Variants in CGNL1 observed in about 807,000 individuals in gnomAD.
The protein encoded by CGNL1 is cingulin like 1.
CGNL1 carries 132 observed loss-of-function variants against 141.2 expected under a neutral mutation model. The observed-to-expected ratio is 0.93, with a 90% confidence interval of 0.81 to 1.08. CGNL1 has a LOEUF of 1.08. CGNL1 is among the 50% of genes least tolerant of loss of function. The probability of loss-of-function intolerance (pLI) is 0.00; values close to 1 mark genes in which losing one functional copy is unlikely to be tolerated. For synonymous variants in CGNL1, 690 were observed against 622.1 expected, an observed-to-expected ratio of 1.11 and a Z score of -1.63; for missense variants, 1,870 against 1,588.6, an observed-to-expected ratio of 1.18 and a Z score of -3.01.
chr15:57,447,136 A>AT (rs1200584420), intron 4 of CGNL1, among the ~76,000 whole-genome samples: 1 of 151,990 alleles, frequency 6.6e-6, no homozygotes, highest in African/African-American at 2.4e-5. Flanking sequence ...TGGTGTTCTT[A>AT]TTTGTGAACA....
At chr15:57,516,056 G>A (rs1269774666) in intron 8 of CGNL1, among the ~76,000 whole-genome samples, 3 of 151,200 alleles carry the variant, frequency 2.0e-5, no homozygotes, top group Non-Finnish European at 4.4e-5. Context: ...CTACTCGGGA[G>A]GCTGAAGCAG....
In CGNL1 at chr15:57,548,667, A is replaced by G. The variant is rs1481362539; in HGVS notation, c.*1177A>G. On this transcript the variant is annotated 3_prime_UTR_variant, in exon 19 of 19. Coordinates refer to ENST00000281282, the MANE Select transcript of CGNL1 (RefSeq NM_032866.5). ...GGTTGGGTAGGGAGAGTTGTAGGTA[A>G]GGCCTTAAACAAATGAGGCCGTTTC... 6.6e-6 allele frequency: 1 copy of G among 152,182 alleles called. No individual in the cohort carries two copies. Among genetic ancestry groups the G allele is most frequent in the Non-Finnish European group, 1.5e-5 (1 of 68,064 alleles). 9.4% of individuals were successfully genotyped at this position (152,182 alleles called of 1,614,324 possible).
At chr15:57,440,590 G>A in intron 3 of CGNL1, 119 bp downstream of exon 3, 1 of 763,394 alleles carries the variant, frequency 1.3e-6, no homozygotes, top group African/African-American at 1.7e-5. Context: ...CCGTTGGAGG[G>A]TTAAAACTCA....
chr15:57,437,763 G>A (rs1443976827), intron 1 of CGNL1, among the ~76,000 whole-genome samples: 2 of 152,138 alleles, frequency 1.3e-5, no homozygotes, highest in Non-Finnish European at 2.9e-5. Flanking sequence ...AAACCCAGTG[G>A]TGACAAACTC....
intron 1 of CGNL1, among the ~76,000 whole-genome samples, chr15:57,389,757 G>T (rs975695124): frequency 1.3e-5 from 2 of 152,162 alleles, no homozygotes; most frequent in Admixed American, 6.5e-5. Flanking sequence ...TACAATGGTT[G>T]TATTGGATAT....
chr15:57,428,126 C>T (rs1415265920), intron 1 of CGNL1, among the ~76,000 whole-genome samples: 11 of 152,342 alleles, frequency 7.2e-5, no homozygotes, highest in East Asian at 3.9e-4. Context: ...CGAGGAGTGA[C>T]ACTTCCACTG....
chr15:57,445,350 T>C (rs1392186907), intron 4 of CGNL1, among the ~76,000 whole-genome samples: 2 of 152,212 alleles, frequency 1.3e-5, no homozygotes, highest in African/African-American at 2.4e-5. Flanking sequence ...TACAGCTCCA[T>C]GACTGTTTAA....
In CGNL1 at chr15:57,547,598, C is replaced by T; in HGVS notation, c.*108C>T. 1 of 1,253,334 alleles carries T rather than the reference C, an allele frequency of 8.0e-7. No homozygotes were observed. Among genetic ancestry groups the T allele is most frequent in the Non-Finnish European group, 1.1e-6 (1 of 896,874 alleles). 77.6% of individuals were successfully genotyped at this position (1,253,334 alleles called of 1,614,324 possible). On this transcript the variant is annotated 3_prime_UTR_variant, in exon 19 of 19. Coordinates refer to ENST00000281282, the MANE Select transcript of CGNL1 (RefSeq NM_032866.5). The stretch of plus-strand genomic sequence containing the variant: ...TGTCTGCCACTGAGACCAATCACAG[C>T]CTCTTTGCACAGCATGCCAGCTCCT...
intron 9 of CGNL1, among the ~76,000 whole-genome samples, chr15:57,517,410 A>C (rs1461144032): frequency 8.5e-5 from 13 of 152,230 alleles, no homozygotes; most frequent in African/African-American, 3.1e-4. Context: ...GGTTGGCCAG[A>C]CCTCTAGCAG....
At chr15:57,481,071 T>G (rs1319859077) in intron 8 of CGNL1, among the ~76,000 whole-genome samples, 2 of 150,988 alleles carry the variant, frequency 1.3e-5, no homozygotes, top group Non-Finnish European at 1.5e-5. Context: ...GGGGTTTTTT[T>G]TTTTTTTTTT....
chr15:57,533,035 C>A (rs2032040698), intron 14 of CGNL1, among the ~76,000 whole-genome samples: 1 of 152,226 alleles, frequency 6.6e-6, no homozygotes, highest in Non-Finnish European at 1.5e-5. Context: ...ACCTTATGAG[C>A]AGGCAGCCCT....
At chr15:57,474,338 A>G (rs1457319879) in intron 8 of CGNL1, among the ~76,000 whole-genome samples, 2 of 152,224 alleles carry the variant, frequency 1.3e-5, no homozygotes, top group East Asian at 1.9e-4. Context: ...TTGACAAACC[A>G]TCTCTTTGAA....
intron 8 of CGNL1, among the ~76,000 whole-genome samples, chr15:57,491,985 G>A (rs1338287906): frequency 1.3e-5 from 2 of 152,160 alleles, no homozygotes; most frequent in African/African-American, 4.8e-5. Flanking sequence ...GAGCAATGAT[G>A]ACTGAATGTA....
At chr15:57,520,531 G>T (rs1352836078) in intron 10 of CGNL1, among the ~76,000 whole-genome samples, 3 of 152,204 alleles carry the variant, frequency 2.0e-5, no homozygotes, top group African/African-American at 7.2e-5. Context: ...GCTGTTCTTG[G>T]TTAGCTCAAT....
rs748856946 is a variant in CGNL1 at position 57,523,587 on chromosome 15, G to A, written c.2814G>A (p.Glu938=). ...AGCAGCTAAGAAGGTTGAAGAACGA[G>A]ATGGAGAATGAGCGGTGGCACCTGG... is the stretch of plus-strand genomic sequence containing the variant. ...QKEQLRRLKN[E]MENERWHLGK... The change falls in exon 11 of 19, where the codon GAG becomes GAA. Residue 938 remains glutamate (E), a synonymous_variant. Transcript: ENST00000281282. The A allele has an allele frequency of 4.3e-6, 7 of 1,614,214 alleles. No individual in the cohort carries two copies. In the South Asian group the frequency reaches 7.7e-5, roughly 18 times the overall value.
chr15:57,420,451 A>G (rs1307478959), intron 1 of CGNL1, among the ~76,000 whole-genome samples: 1 of 152,190 alleles, frequency 6.6e-6, no homozygotes, highest in Non-Finnish European at 1.5e-5. Flanking sequence ...GGGTCATTCT[A>G]ACCTCCTCCC....
At chr15:57,521,492 GCCTAATAGTGAACATA>G (rs756583384) in intron 10 of CGNL1, among the ~76,000 whole-genome samples, 37 of 152,270 alleles carry the variant, frequency 2.4e-4, no homozygotes, top group Admixed American at 1.1e-3. Context: ...TTTATCATAT[GCCTAATAGTGAACATA>G]CCCAGATAGA....
At chr15:57,478,218 G>C (rs1469462489) in intron 8 of CGNL1, 1 of 152,240 alleles carries the variant, frequency 6.6e-6, no homozygotes, top group Non-Finnish European at 1.5e-5. Flanking sequence ...GTCTCTCCAT[G>C]GGAGCCGCTC....
In CGNL1 at chr15:57,533,161, A is replaced by C. The variant is rs78103042; in HGVS notation, c.3291+1382A>C. On this transcript the variant is annotated intron_variant, in intron 14 of 18. Coordinates refer to ENST00000281282, the MANE Select transcript of CGNL1 (RefSeq NM_032866.5). Reference sequence around the variant, plus strand: ...TGCTCCTTTGCTCCTGAGAGTGAAGAAAGTTGCAACCCAGCTGTGTTCCCT... The same window carrying C: ...TGCTCCTTTGCTCCTGAGAGTGAAGCAAGTTGCAACCCAGCTGTGTTCCCT... Among the ~76,000 whole-genome samples the C allele has an allele frequency of 3.6e-3, 548 of 152,318 alleles. 1 individual carries two copies. Among genetic ancestry groups the C allele is most frequent in the Non-Finnish European group, 5.6e-3 (381 of 68,030 alleles).
Sources: allele counts gnomAD v4.1 joint callset (sites outside exome capture counted in the v4.1 genomes callset), GRCh38; gene constraint gnomAD v4.1.1; transcripts MANE v1.5; gene names NCBI Gene and HGNC (gene_info 2026-07-23, HGNC 2026-07-21).